ARFGAP3: variants seen among roughly 807,000 people sequenced by gnomAD.
ARFGAP3 encodes ADP-ribosylation factor GTPase-activating protein 3.
ARFGAP3 carries 72 observed loss-of-function variants against 75.0 expected under a neutral mutation model. The observed-to-expected ratio is 0.96, with a 90% CI of 0.79 to 1.17. The LOEUF is 1.17. ARFGAP3 is among the 50% of genes most tolerant of loss of function. ARFGAP3 has a pLI of 0.00. For synonymous variants in ARFGAP3, 221 were observed against 217.9 expected, an observed-to-expected ratio of 1.01 and a Z score of -0.13; for missense variants, 620 against 626.6, an observed-to-expected ratio of 0.99 and a Z score of 0.11.
Position 42,838,255 on chromosome 22 carries a change from G to GAT in ARFGAP3, c.261+2687_261+2688dup, listed in dbSNP as rs1420733535. On this transcript the variant is annotated intron_variant, in intron 3 of 15. Coordinates refer to ENST00000263245, the MANE Select transcript of ARFGAP3 (RefSeq NM_014570.5). ...GACCTCTGACTTTAACTATTTAATT[G>GAT]ATATATATATACACACACACATATA... Among the ~76,000 whole-genome samples the GAT allele has an allele frequency of 3.3e-4, 47 of 142,658 alleles. 2 individuals carry two copies. The highest frequency in any genetic ancestry group is 2.0e-4 in the East Asian group (1 of 5,074). 93.6% of individuals were successfully genotyped at this position (142,658 alleles called of 152,430 possible).
In ARFGAP3 at chr22:42,845,454, A is replaced by G. The variant is rs186463480; in HGVS notation, c.188+2060T>C. ...GGCAGGAGAATCATTTGAATCTGGG[A>G]GGCGGAAGTTGAGGTGAGCCAAGAT... is the stretch of plus-strand genomic sequence containing the variant. On this transcript the variant is annotated intron_variant, in intron 2 of 15. Coordinates refer to ENST00000263245, the MANE Select transcript of ARFGAP3 (RefSeq NM_014570.5). 1.2e-3 allele frequency among the ~76,000 whole-genome samples: 177 copies of G among 148,170 alleles called. 3 individuals are homozygous for G. The East Asian group carries it at 0.031, about 26-fold the overall frequency.
chr22:42,855,619 G>A (rs1376600632), intron 1 of ARFGAP3, among the ~76,000 whole-genome samples: 1 of 151,914 alleles, frequency 6.6e-6, no homozygotes, highest in Non-Finnish European at 1.5e-5. Flanking sequence ...GGAGGCAGAG[G>A]TTGCAGTGAG....
intron 3 of ARFGAP3, among the ~76,000 whole-genome samples, chr22:42,837,476 T>C (rs1426528487): frequency 1.3e-5 from 2 of 151,718 alleles, no homozygotes; most frequent in African/African-American, 2.4e-5. Flanking sequence ...AAAAAACTTG[T>C]TGTGCGTGGT....
At chr22:42,845,946 G>A (rs1336708584) in intron 2 of ARFGAP3, among the ~76,000 whole-genome samples, 2 of 150,450 alleles carry the variant, frequency 1.3e-5, no homozygotes, top group African/African-American at 4.9e-5. Context: ...GCTGAGGCAG[G>A]AGAATCGCTT....
At position 42,834,158 on chromosome 22, in the gene ARFGAP3, C is replaced by T. The variant is rs554129026; in HGVS notation, c.477+84G>A. 188 of 1,281,094 alleles carry T rather than the reference C, an allele frequency of 1.5e-4. No homozygotes were observed. Among genetic ancestry groups the T allele is most frequent in the South Asian group, 8.6e-4 (64 of 74,428 alleles). The allele number at this position is 1,281,094 out of a possible 1,614,324, so 79.4% of individuals were successfully genotyped here. ...GCACTTCTTGTTACAAGAGCTTAGC[C>T]TACATCCTAACATTTTAAATATGCA... is the stretch of plus-strand genomic sequence containing the variant. On this transcript the variant is annotated intron_variant, in intron 5 of 15. Transcript: ENST00000263245.
At chr22:42,843,332 C>T (rs934561572) in intron 2 of ARFGAP3, among the ~76,000 whole-genome samples, 18 of 152,218 alleles carry the variant, frequency 1.2e-4, no homozygotes, top group Admixed American at 2.6e-4. Flanking sequence ...CAAAGCATTT[C>T]GCTTTTTCCT....
In ARFGAP3 at chr22:42,857,105, G is replaced by C. The variant is rs1213999022; in HGVS notation, c.69+9C>G. On this transcript the variant is annotated intron_variant, in intron 1 of 15. Transcript: ENST00000263245. ...GCCAGGCAGGCCCGCACTCGCCCGC[G>C]GCCGCTACCTTGTTAGTGGGCACCG... 6 of 1,505,280 alleles carry C rather than the reference G, an allele frequency of 4.0e-6. No homozygotes were observed. The highest frequency in any genetic ancestry group is 3.6e-4 in the Middle Eastern group (2 of 5,632). The allele number at this position is 1,505,280 out of a possible 1,614,324, so 93.2% of individuals were successfully genotyped here.
At chr22:42,834,134 C>G (rs2273142) in intron 5 of ARFGAP3, 108 bp downstream of exon 5, 443,199 of 993,136 alleles carry the variant, frequency 0.45, 103,541 homozygotes, top group Middle Eastern at 0.5. Context: ...TATGTTTCAG[C>G]ACTTCTTGTT....
At chr22:42,852,227 AT>A (rs58166507) in intron 1 of ARFGAP3, among the ~76,000 whole-genome samples, 96,550 of 149,594 alleles carry the variant, frequency 0.65, 32,354 homozygotes, top group African/African-American at 0.83. Flanking sequence ...GCTAATTTTA[AT>A]TTTTTTTTTT....
At chr22:42,851,452 C>T (rs1200082560) in intron 1 of ARFGAP3, among the ~76,000 whole-genome samples, 1 of 152,206 alleles carries the variant, frequency 6.6e-6, no homozygotes, top group Non-Finnish European at 1.5e-5. Flanking sequence ...AATGTAGCCC[C>T]ATGAGGGGGG....
In ARFGAP3 at chr22:42,831,566, G is replaced by A. The variant is rs1424089215; in HGVS notation, c.548C>T (p.Thr183Ile). 6.2e-7 allele frequency: 1 copy of A among 1,613,716 alleles called. No individual in the cohort carries two copies. Among genetic ancestry groups the A allele is most frequent in the African/African-American group, 1.3e-5 (1 of 74,844 alleles). Residue 183 changes from threonine (T) to isoleucine (I), a missense_variant, in exon 6 of 16, where the codon ACT becomes ATT. Coordinates refer to ENST00000263245, the MANE Select transcript of ARFGAP3 (RefSeq NM_014570.5). ...SSLTSRPVET[T>I]LENNEGGQEQ... Reference sequence around the variant, plus strand: ...GACTCCACCTTCATTATTTTCCAAAGTGGTTTCCACAGGCCTTGATGTTAA... The same window carrying A: ...GACTCCACCTTCATTATTTTCCAAAATGGTTTCCACAGGCCTTGATGTTAA...
At chr22:42,824,100 G>C (rs940970126) in intron 7 of ARFGAP3, among the ~76,000 whole-genome samples, 5 of 147,006 alleles carry the variant, frequency 3.4e-5, no homozygotes, top group African/African-American at 1.3e-4. Context: ...TTACCTCCCA[G>C]ATCAAGGGAG....
Position 42,817,122 on chromosome 22 carries a change from G to T in ARFGAP3, c.1064+20C>A. On this transcript the variant is annotated intron_variant, in intron 11 of 15. Transcript: ENST00000263245. ...CTGCTTTTCAAAATGACACTTCAAC[G>T]ATGATTTGTAATACAGTACCTTGAG... is the stretch of plus-strand genomic sequence containing the variant. 6.6e-7 allele frequency: 1 copy of T among 1,525,128 alleles called. No individual in the cohort carries two copies. The highest frequency in any genetic ancestry group is 9.1e-7 in the Non-Finnish European group (1 of 1,100,630). 94.5% of individuals were successfully genotyped at this position (1,525,128 alleles called of 1,614,324 possible).
rs1432156527 is a variant in ARFGAP3 at position 42,844,587 on chromosome 22, A to AG, written c.188+2926dup. ...GGGATAGAGTGAGACTCTGTCTCAA[A>AG]GGAAAAAAAAAAAAAAAAAATAAAA... On this transcript the variant is annotated intron_variant, in intron 2 of 15. Transcript: ENST00000263245. Among the ~76,000 whole-genome samples, 3 of 88,692 alleles carry AG rather than the reference A, an allele frequency of 3.4e-5. No individual in the cohort carries two copies. The Admixed American group carries it at 4.2e-4, about 13-fold the overall frequency. The allele number at this position is 88,692 out of a possible 152,430, so 58.2% of individuals were successfully genotyped here. A position where few individuals can be genotyped will look rare whatever the true frequency, so the allele number is the denominator to read the frequency against.
intron 5 of ARFGAP3, among the ~76,000 whole-genome samples, chr22:42,833,375 G>A (rs1190978742): frequency 3.3e-5 from 5 of 152,172 alleles, no homozygotes; most frequent in African/African-American, 9.7e-5. Flanking sequence ...CTCCCTAGCA[G>A]CTAGATAAGA....
At chr22:42,839,921 T>C (rs1926705001) in intron 3 of ARFGAP3, among the ~76,000 whole-genome samples, 3 of 152,170 alleles carry the variant, frequency 2.0e-5, no homozygotes. Flanking sequence ...TAATTTATTA[T>C]TTTGATAATC....
intron 7 of ARFGAP3, among the ~76,000 whole-genome samples, chr22:42,824,298 G>A (rs183182958): frequency 1.3e-5 from 2 of 149,274 alleles, no homozygotes; most frequent in East Asian, 2.0e-4. Flanking sequence ...TTATGAGTAT[G>A]AGCCACCATG....
rs1926283762 is a variant in ARFGAP3 at position 42,831,438 on chromosome 22, C to T, written c.565+111G>A. 2.7e-6 allele frequency: 3 copies of T among 1,126,784 alleles called. No individual in the cohort carries two copies. The Admixed American group carries it at 6.5e-5, about 24-fold the overall frequency. The allele number at this position is 1,126,784 out of a possible 1,614,324, so 69.8% of individuals were successfully genotyped here. A position where few individuals can be genotyped will look rare whatever the true frequency, so the allele number is the denominator to read the frequency against. On this transcript the variant is annotated intron_variant, in intron 6 of 15. Coordinates refer to ENST00000263245, the MANE Select transcript of ARFGAP3 (RefSeq NM_014570.5). ...CCCCCCGCCTCAGCCTCGCAAAGTGCTGGGATTACAGGCATGAGCCACTGT... is the reference window on the plus strand; with the variant it reads ...CCCCCCGCCTCAGCCTCGCAAAGTGTTGGGATTACAGGCATGAGCCACTGT...
At chr22:42,812,301 C>T (rs1167875648) in intron 11 of ARFGAP3, among the ~76,000 whole-genome samples, 1 of 150,948 alleles carries the variant, frequency 6.6e-6, no homozygotes, top group Admixed American at 6.6e-5. Context: ...AGCAGTCTGG[C>T]CAGATATACA....
Sources: gnomAD v4.1 joint callset for allele counts (sites outside exome capture counted in the v4.1 genomes callset) on GRCh38, gnomAD v4.1.1 for gene constraint, MANE v1.5 for transcripts, NCBI Gene and HGNC (gene_info 2026-07-23, HGNC 2026-07-21) for gene names.